Variants in ZNF28 observed in about 807,000 individuals in gnomAD.
ZNF28 encodes zinc finger protein KOX24.
ZNF28 carries 5 observed loss-of-function variants against 7.2 expected under a neutral mutation model. The ratio of observed to expected loss-of-function variants is 0.70; its 90% confidence interval spans 0.36 to 1.46. ZNF28 has a LOEUF of 1.46. ZNF28 is among the 40% of genes most tolerant of loss of function. The pLI is 0.03. For missense variants in ZNF28, 879 were observed against 866.6 expected (o/e 1.01, Z -0.18); for synonymous variants, 288 against 292.4 (o/e 0.99, Z 0.15).
At chr19:52,819,166 T>C (rs140649401) in intron 1 of ZNF28, among the ~76,000 whole-genome samples, 1,455 of 137,578 alleles carry the variant, frequency 0.011, 160 homozygotes, top group African/African-American at 0.04. Context: ...CAGATGAGGG[T>C]AAGCTCCCAG....
At chr19:52,815,309 A>G (rs1020040419) in intron 2 of ZNF28, among the ~76,000 whole-genome samples, 5 of 143,950 alleles carry the variant, frequency 3.5e-5, no homozygotes, top group African/African-American at 1.4e-4. Flanking sequence ...TGAAGACAGG[A>G]GTTCAACATC....
chr19:52,810,942 C>T (rs1218620599), intron 2 of ZNF28, among the ~76,000 whole-genome samples: 12 of 129,364 alleles, frequency 9.3e-5, no homozygotes, highest in Admixed American at 7.9e-4. Context: ...GATGCCGAGC[C>T]AAAGCTGGAC....
In ZNF28 at chr19:52,801,037, G is replaced by C; in HGVS notation, c.808C>G (p.Pro270Ala). The C allele has an allele frequency of 1.9e-6, 3 of 1,614,098 alleles. No homozygotes were observed. Among genetic ancestry groups the C allele is most frequent in the Non-Finnish European group, 2.5e-6 (3 of 1,180,018 alleles). ...TTGCCACACTCATTACACTTGTAAGGTTTCTCATCAATGTGAGATCTACGA... is the reference window on the plus strand; with the variant it reads ...TTGCCACACTCATTACACTTGTAAGCTTTCTCATCAATGTGAGATCTACGA... ...CHRRSHIDEK[P>A]YKCNECGKIF... Residue 270 changes from proline to alanine, a missense_variant, in exon 4 of 4, where the codon CCT (proline) becomes GCT (alanine). Physicochemically the swap from Pro to Ala is conservative, Grantham distance 27. Coordinates refer to ENST00000457749, the MANE Select transcript of ZNF28 (RefSeq NM_006969.5).
At chr19:52,809,150 G>C (rs1235752260) in intron 2 of ZNF28, among the ~76,000 whole-genome samples, 1 of 152,134 alleles carries the variant, frequency 6.6e-6, no homozygotes, top group Admixed American at 6.6e-5. Flanking sequence ...TGCGGGCAGG[G>C]GGAATCTTGT....
chr19:52,812,995 T>TA (rs2063074108), intron 2 of ZNF28, among the ~76,000 whole-genome samples: 1 of 151,030 alleles, frequency 6.6e-6, no homozygotes, highest in African/African-American at 2.4e-5. Flanking sequence ...GTAATAAAGT[T>TA]AAACTAAACT....
chr19:52,798,978 G>T lies in ZNF28; in HGVS notation c.*710C>A. Reference sequence around the variant, plus strand: ...TGAATTCTAGTATGGTGTGCCAGGTGTGAATCACTCCCAAAAGCCTTGTTA... The same window carrying T: ...TGAATTCTAGTATGGTGTGCCAGGTTTGAATCACTCCCAAAAGCCTTGTTA... On this transcript the variant is annotated 3_prime_UTR_variant, in exon 4 of 4. Transcript: ENST00000457749. 8.8e-7 allele frequency: 1 copy of T among 1,135,028 alleles called. No homozygotes were observed. The highest frequency in any genetic ancestry group is 1.2e-6 in the Non-Finnish European group (1 of 810,976). The allele number at this position is 1,135,028 out of a possible 1,614,324, so 70.3% of individuals were successfully genotyped here.
chr19:52,812,248 AC>A (rs1476091420), intron 2 of ZNF28, among the ~76,000 whole-genome samples: 2 of 136,818 alleles, frequency 1.5e-5, no homozygotes, highest in Non-Finnish European at 3.0e-5. Flanking sequence ...CCCGGCCACG[AC>A]CCCGTCTGGG....
In ZNF28 at chr19:52,801,116, A is replaced by G. The variant is rs756777366; in HGVS notation, c.729T>C (p.Cys243=). 2 of 1,614,162 alleles carry G rather than the reference A, an allele frequency of 1.2e-6. No homozygotes were observed. The highest frequency in any genetic ancestry group is 3.3e-5 in the Admixed American group (2 of 60,006). Residue 243 remains cysteine, a synonymous_variant, in exon 4 of 4, where the codon TGT becomes TGC. Transcript: ENST00000457749. ...HQITHLEEKQ[C]KCDVYGKVFN... is the part of the protein sequence containing the mutation. The stretch of plus-strand genomic sequence containing the variant: ...ATACCTTGCCATATACATCACATTT[A>G]CATTGTTTCTCTTCTAAGTGGGTTA...
Position 52,800,338 on chromosome 19 carries a change from C to T in ZNF28, c.1507G>A (p.Ala503Thr). The change falls in exon 4 of 4, where the codon GCT (alanine) becomes ACT (threonine). Residue 503 changes from alanine (A) to threonine (T), a missense_variant. Ala to Thr is a moderately conservative substitution (Grantham distance 58). Around this residue, in one of 2 missense-constraint regions of ZNF28, gnomAD observed 864 missense variants for 830.2 expected, o/e 1.04. Transcript: ENST00000457749. The stretch of plus-strand genomic sequence containing the variant: ...GTAAGGCATGAATCACTCCGGAAAG[C>T]CTTGTCACAAACCTTACATTTGTAT... ...KPYKCKVCDKAFRSDSCLTEH... is the reference protein window; with the variant it reads ...KPYKCKVCDKTFRSDSCLTEH... The T allele has an allele frequency of 7.4e-6, 12 of 1,613,852 alleles. No individual in the cohort carries two copies. Among genetic ancestry groups the T allele is most frequent in the Non-Finnish European group, 1.0e-5 (12 of 1,179,960 alleles).
At chr19:52,814,097 A>G (rs1490183528) in intron 2 of ZNF28, among the ~76,000 whole-genome samples, 1 of 146,628 alleles carries the variant, frequency 6.8e-6, no homozygotes, top group Admixed American at 6.9e-5. Flanking sequence ...GCAGAAATAC[A>G]CGTGTACAAG....
At position 52,801,431 on chromosome 19, in the gene ZNF28, A is replaced by C. The variant is rs2062869345; in HGVS notation, c.414T>G (p.Asp138Glu). 1.2e-6 allele frequency: 2 copies of C among 1,614,206 alleles called. No individual in the cohort carries two copies. The highest frequency in any genetic ancestry group is 1.7e-6 in the Non-Finnish European group (2 of 1,180,030). ...GCGAATGAAAGCTTAATCCAAGCTG[A>C]TCTTTAATATGCTTGTTTCCAGCAT... is the stretch of plus-strand genomic sequence containing the variant. ...QRHAGNKHIKDQLGLSFHSHL... is the reference protein window; with the variant it reads ...QRHAGNKHIKEQLGLSFHSHL... Residue 138 changes from aspartate to glutamate, a missense_variant, in exon 4 of 4, where the codon GAT becomes GAG. Physicochemically the swap from Asp to Glu is conservative, Grantham distance 45. Transcript: ENST00000457749.
rs1314758452 is a variant in ZNF28, at chr19:52,801,493, C to A, written c.352G>T (p.Glu118Ter). Residue 118 changes from glutamate (E) to a stop codon, truncating the protein, a stop_gained, in exon 4 of 4, where the codon GAG becomes TAG. Coordinates refer to ENST00000457749, the MANE Select transcript of ZNF28 (RefSeq NM_006969.5). LOFTEE classifies it low-confidence loss of function (END_TRUNC). The part of the protein sequence containing the change: ...DHAAPMTEIK[E>*]LTGSTGQHDQ... ...TGTTGGCCTGTACTACCAGTCAACT[C>A]TTTGATTTCTGTCATGGGTGCTGCA... 1.9e-6 allele frequency: 3 copies of A among 1,614,084 alleles called. No individual in the cohort carries two copies. Among genetic ancestry groups the A allele is most frequent in the Non-Finnish European group, 2.5e-6 (3 of 1,179,946 alleles).
rs951191785 is a variant in ZNF28 at position 52,799,430 on chromosome 19, C to T, written c.*258G>A. The T allele has an allele frequency of 1.2e-5, 9 of 725,350 alleles. No homozygotes were observed. Among genetic ancestry groups the T allele is most frequent in the Non-Finnish European group, 2.1e-5 (9 of 429,768 alleles). The allele number at this position is 725,350 out of a possible 1,614,324, so 44.9% of individuals were successfully genotyped here. A position where few individuals can be genotyped will look rare whatever the true frequency, so the allele number is the denominator to read the frequency against. ...AACCGAAAACTTTGTCACATTCTTCCTATTTGTAAAGTTTCTCTGCAGTAT... is the reference window on the plus strand; with the variant it reads ...AACCGAAAACTTTGTCACATTCTTCTTATTTGTAAAGTTTCTCTGCAGTAT... On this transcript the variant is annotated 3_prime_UTR_variant, in exon 4 of 4. Transcript: ENST00000457749.
chr19:52,821,360 T>G lies in ZNF28; in HGVS notation c.-74+226A>C, dbSNP rs2904236. 2.4e-3 allele frequency among the ~76,000 whole-genome samples: 361 copies of G among 151,334 alleles called. 3 individuals carry two copies. Among genetic ancestry groups the G allele is most frequent in the Non-Finnish European group, 4.1e-3 (279 of 67,780 alleles). ...AGCAGGAAAACTACGAGATAGGAAG[T>G]GTATACATTGCCCTGTAGCAGAAAG... is the stretch of plus-strand genomic sequence containing the variant. On this transcript the variant is annotated intron_variant, in intron 1 of 3. Transcript: ENST00000457749.
chr19:52,798,486 G>A lies in ZNF28; in HGVS notation c.*1202C>T, dbSNP rs1409756338. The A allele has an allele frequency of 1.0e-5, 5 of 493,248 alleles. No homozygotes were observed. Among genetic ancestry groups the A allele is most frequent in the East Asian group, 5.8e-5 (1 of 17,246 alleles). 30.6% of individuals were successfully genotyped at this position (493,248 alleles called of 1,614,324 possible). A position where few individuals can be genotyped will look rare whatever the true frequency, so the allele number is the denominator to read the frequency against. On this transcript the variant is annotated 3_prime_UTR_variant, in exon 4 of 4. Coordinates refer to ENST00000457749, the MANE Select transcript of ZNF28 (RefSeq NM_006969.5). ...CTGATGGTCTGCAAGGAGTGATCTC[G>A]GACTGAAGACCTTACCACACTGATG...
rs552557593 is a variant in ZNF28, at chr19:52,809,866, C to T, written c.16-1733G>A. On this transcript the variant is annotated intron_variant, in intron 2 of 3. Transcript: ENST00000457749. ...GGCGGTGGTGGCAGTAGCACTGGGCCTGCGGGCGGTCCGGGATCCAGGCCG... is the reference window on the plus strand; with the variant it reads ...GGCGGTGGTGGCAGTAGCACTGGGCTTGCGGGCGGTCCGGGATCCAGGCCG... 1.4e-4 allele frequency: 93 copies of T among 667,312 alleles called. 1 individual carries two copies. The East Asian group carries it at 2.6e-3, about 19-fold the overall frequency. The allele number at this position is 667,312 out of a possible 1,614,324, so 41.3% of individuals were successfully genotyped here.
chr19:52,821,286 G>A (rs1408796647), intron 1 of ZNF28, among the ~76,000 whole-genome samples: 2 of 152,162 alleles, frequency 1.3e-5, no homozygotes, highest in Non-Finnish European at 2.9e-5. Flanking sequence ...CACCTCTAGG[G>A]TGAGGACTTT....
rs576566708 is a variant in ZNF28, at chr19:52,811,747, TCC to T, written c.16-3616_16-3615del. On this transcript the variant is annotated intron_variant, in intron 2 of 3. Coordinates refer to ENST00000457749, the MANE Select transcript of ZNF28 (RefSeq NM_006969.5). ...GCGTCTCCGCCCGGCAGCCGCCCCG[TCC>T]GGGAGGGAGGTCGGGGGGGTCAGCC... is the stretch of plus-strand genomic sequence containing the variant. 6.9e-3 allele frequency among the ~76,000 whole-genome samples: 1,017 copies of T among 146,780 alleles called. 23 individuals carry two copies. The highest frequency in any genetic ancestry group is 0.025 in the African/African-American group (969 of 38,492).
At chr19:52,805,874 G>A (rs1440762711) in intron 3 of ZNF28, 1 of 151,980 alleles carries the variant, frequency 6.6e-6, no homozygotes, top group Non-Finnish European at 1.5e-5. Flanking sequence ...CAGCTTCTCA[G>A]GGGCCTGAGG....
Sources: gnomAD v4.1 joint callset for allele counts (sites outside exome capture counted in the v4.1 genomes callset) on GRCh38, gnomAD v4.1.1 for gene constraint, gnomAD v4.1.1 regional missense constraint, MANE v1.5 for transcripts, NCBI Gene and HGNC (gene_info 2026-07-23, HGNC 2026-07-21) for gene names.